Variants in ZNF7 observed in about 807,000 individuals in gnomAD.
ZNF7 encodes zinc finger protein 7, also known as C2-H2 type zinc finger protein.
In ZNF7, 10 loss-of-function variants were observed where a neutral mutation model predicts 12.0. That is an observed-to-expected ratio of 0.83 (90% CI 0.51 to 1.42). The LOEUF is 1.42. Among genes scored for constraint, ZNF7 ranks in the 40% most tolerant of loss-of-function variants. The pLI is 0.00. For synonymous variants in ZNF7, 334 were observed against 295.0 expected (o/e 1.13, Z -1.35); for missense variants, 854 against 837.2 (o/e 1.02, Z -0.25).
Position 144,841,802 on chromosome 8 carries a change from T to C in ZNF7, c.695T>C (p.Leu232Ser). The change falls in exon 5 of 5, where the codon TTA becomes TCA. Residue 232 changes from leucine (L) to serine (S), a missense_variant. Coordinates refer to ENST00000532777, the MANE Select transcript of ZNF7 (RefSeq NM_003416.4). Reference sequence around the variant, plus strand: ...AGATGTCAAGAATGCCAAAAAAAGTTATCTGACTGCTTGCAGGGGAAACAT... The same window carrying C: ...AGATGTCAAGAATGCCAAAAAAAGTCATCTGACTGCTTGCAGGGGAAACAT... Reference protein sequence around the residue: ...ISRCQECQKKLSDCLQGKHTN... With the variant: ...ISRCQECQKKSSDCLQGKHTN... The C allele has an allele frequency of 6.2e-7, 1 of 1,614,180 alleles. No individual in the cohort carries two copies. Among genetic ancestry groups the C allele is most frequent in the Non-Finnish European group, 8.5e-7 (1 of 1,180,026 alleles).
intron 3 of ZNF7, chr8:144,836,418 A>G (rs1563831751): frequency 6.6e-6 from 1 of 152,204 alleles, no homozygotes; most frequent in South Asian, 2.1e-4. Context: ...CCACTTAGTC[A>G]TTTATTATGT....
Position 144,841,988 on chromosome 8 carries a change from T to C in ZNF7, c.881T>C (p.Ile294Thr), listed in dbSNP as rs756336405. 1.4e-5 allele frequency: 22 copies of C among 1,614,028 alleles called. No individual in the cohort carries two copies. Among genetic ancestry groups the C allele is most frequent in the African/African-American group, 8.0e-5 (6 of 74,918 alleles). The change falls in exon 5 of 5, where the codon ATT becomes ACT. Residue 294 changes from isoleucine to threonine, a missense_variant. By Grantham distance (89) the Ile-to-Thr change is moderately conservative. Transcript: ENST00000532777. ...GKAFRLSSKL[I>T]QHQRIHTGEK... ...GCCTTCCGCCTGAGCTCAAAACTTATTCAGCATCAAAGAATCCACACTGGG... is the reference window on the plus strand; with the variant it reads ...GCCTTCCGCCTGAGCTCAAAACTTACTCAGCATCAAAGAATCCACACTGGG...
chr8:144,842,965 ACCTTTGTGAG>A lies in ZNF7; in HGVS notation c.1861_1870del (p.Phe621ValfsTer7). ...ATATGGGAATGCCCTGGAAGGGTCC[ACCTTTGTGAG>A]CCGTAAAAAGGTTAATACTATAAAG... On this transcript the variant is annotated frameshift_variant, in exon 5 of 5. Coordinates refer to ENST00000532777, the MANE Select transcript of ZNF7 (RefSeq NM_003416.4). LOFTEE classifies it low-confidence loss of function (END_TRUNC). 1 of 1,614,190 alleles carries A rather than the reference ACCTTTGTGAG, an allele frequency of 6.2e-7. No individual in the cohort carries two copies. The highest frequency in any genetic ancestry group is 8.5e-7 in the Non-Finnish European group (1 of 1,180,038).
intron 3 of ZNF7, 158 bp from the exon 4 acceptor site, chr8:144,837,233 C>T: frequency 1.8e-6 from 1 of 565,548 alleles, no homozygotes; most frequent in Non-Finnish European, 3.2e-6. Flanking sequence ...GCTGTGTCCC[C>T]AGATTCTCCC....
downstream of ZNF7, among the ~76,000 whole-genome samples, chr8:144,845,086 G>A (rs901530544): frequency 2.6e-5 from 4 of 152,300 alleles, no homozygotes; most frequent in Non-Finnish European, 4.4e-5. Flanking sequence ...AGGCCACACA[G>A]GTCTGGATGT....
rs1194606584 is a variant in ZNF7, at chr8:144,837,377, T to C, written c.131-14T>C. On this transcript the variant is annotated splice_polypyrimidine_tract_variant and intron_variant, in intron 3 of 4. Transcript: ENST00000532777. ...GTCATGCTGACACTGTTGTCTTCTC[T>C]GCCGCACACACAGCAGGATTCCTGG... 1 of 1,598,252 alleles carries C rather than the reference T, an allele frequency of 6.3e-7. No individual in the cohort carries two copies. Among genetic ancestry groups the C allele is most frequent in the Non-Finnish European group, 8.6e-7 (1 of 1,167,768 alleles).
At chr8:144,827,778 T>A in intron 1 of ZNF7, 169 bp downstream of exon 1, 1 of 773,426 alleles carries the variant, frequency 1.3e-6, no homozygotes, top group Non-Finnish European at 1.6e-6. Context: ...TGGGAGGTGG[T>A]CGAGCCCAGC....
At chr8:144,838,082 GA>G in intron 4 of ZNF7, 4 of 703,008 alleles carry the variant, frequency 5.7e-6, no homozygotes, top group Non-Finnish European at 1.0e-5. Context: ...TTTAGGGAAG[GA>G]TCCTGTCCTG....
At position 144,837,420 on chromosome 8, in the gene ZNF7, ATC is replaced by A. The variant is rs1829141591; in HGVS notation, c.165_166del (p.Arg56AlafsTer31). Reference protein sequence around the residue: ...AGFLVFKPELISRLEQGEEPW... With the variant: ...AGFLVFKPELXSRLEQGEEPW... ...ATTCCTGGTTTTCAAGCCTGAGCTG[ATC>A]TCTCGGCTGGAGCAGGGAGAAGAGC... On this transcript the variant is annotated frameshift_variant, in exon 4 of 5. Coordinates refer to ENST00000532777, the MANE Select transcript of ZNF7 (RefSeq NM_003416.4). LOFTEE classifies it high-confidence loss of function. 3 of 1,612,466 alleles carry A rather than the reference ATC, an allele frequency of 1.9e-6. No individual in the cohort carries two copies. The highest frequency in any genetic ancestry group is 2.2e-5 in the South Asian group (2 of 91,002).
chr8:144,846,323 A>G (rs1830509427), downstream of ZNF7: 4 of 744,388 alleles, frequency 5.4e-6, no homozygotes, highest in Non-Finnish European at 8.4e-6. Context: ...GGGGCTGGCA[A>G]ACCATTCGTA....
At chr8:144,828,970 A>C in intron 1 of ZNF7, 73 bp from the exon 2 acceptor site, 1 of 1,557,490 alleles carries the variant, frequency 6.4e-7, no homozygotes. Context: ...CAGAGAGCAC[A>C]GTACCCCCTT....
chr8:144,833,575 G>A (rs765213753), intron 3 of ZNF7, among the ~76,000 whole-genome samples: 3 of 151,782 alleles, frequency 2.0e-5, no homozygotes, highest in Non-Finnish European at 4.4e-5. Context: ...ATGGGGTTTC[G>A]CCATGTTGGC....
chr8:144,843,449 G>A lies in ZNF7; in HGVS notation c.*281G>A, dbSNP rs539161515. On this transcript the variant is annotated 3_prime_UTR_variant, in exon 5 of 5. Coordinates refer to ENST00000532777, the MANE Select transcript of ZNF7 (RefSeq NM_003416.4). ...TAAAAATACAAAAATTTAGCTGGGC[G>A]TGGTGGCAGGCACCTGTGGTCCCAG... 164 of 255,312 alleles carry A rather than the reference G, an allele frequency of 6.4e-4. 2 individuals are homozygous for A. Among genetic ancestry groups the A allele is most frequent in the Middle Eastern group, 1.2e-3 (1 of 828 alleles). The allele number at this position is 255,312 out of a possible 1,614,324, so 15.8% of individuals were successfully genotyped here.
intron 4 of ZNF7, among the ~76,000 whole-genome samples, chr8:144,839,179 G>A (rs1193341028): frequency 2.7e-5 from 4 of 149,012 alleles, no homozygotes; most frequent in African/African-American, 5.0e-5. Context: ...GCGCCTAGGG[G>A]CTGTGACCTT....
At chr8:144,831,515 G>T (rs1360157989) in intron 3 of ZNF7, among the ~76,000 whole-genome samples, 2 of 152,204 alleles carry the variant, frequency 1.3e-5, no homozygotes. Flanking sequence ...CGGGCGCGGT[G>T]GCTCATATCT....
Position 144,832,013 on chromosome 8 carries a change from T to TA in ZNF7, c.130+2419dup, listed in dbSNP as rs1158432524. ...CTAGGCAACAGAGTGAGACCCTGTC[T>TA]AAAAAAAAAATCTTCTCTGCTTCTT... On this transcript the variant is annotated intron_variant, in intron 3 of 4. Transcript: ENST00000532777. Among the ~76,000 whole-genome samples, 16 of 96,126 alleles carry TA rather than the reference T, an allele frequency of 1.7e-4. 2 individuals are homozygous for TA. Among genetic ancestry groups the TA allele is most frequent in the Middle Eastern group, 0.011 (2 of 178 alleles). The allele number at this position is 96,126 out of a possible 152,430, so 63.1% of individuals were successfully genotyped here.
chr8:144,844,375 AG>A (rs911425231), downstream of ZNF7, among the ~76,000 whole-genome samples: 1 of 151,938 alleles, frequency 6.6e-6, no homozygotes, highest in Non-Finnish European at 1.5e-5. Context: ...TTTTTTTGGT[AG>A]GGGGGAACGC....
intron 3 of ZNF7, among the ~76,000 whole-genome samples, chr8:144,831,782 A>T (rs1177531815): frequency 3.4e-5 from 2 of 58,200 alleles, no homozygotes; most frequent in East Asian, 5.9e-4. Flanking sequence ...GACTCCATCT[A>T]AAAAAAAAAA....
intron 4 of ZNF7, among the ~76,000 whole-genome samples, chr8:144,840,049 C>T (rs192325812): frequency 2.4e-3 from 373 of 152,380 alleles, no homozygotes; most frequent in African/African-American, 8.4e-3. Context: ...ATTCTTGTGC[C>T]TCAGCCTCCC....
Sources: gnomAD v4.1 joint callset for allele counts (sites outside exome capture counted in the v4.1 genomes callset) on GRCh38, gnomAD v4.1.1 for gene constraint, MANE v1.5 for transcripts, NCBI Gene and HGNC (gene_info 2026-07-23, HGNC 2026-07-21) for gene names.